SCFD2: variants seen among roughly 807,000 people sequenced by gnomAD.
SCFD2 encodes sec1 family domain-containing protein 2.
A neutral mutation model predicts 58.9 loss-of-function variants in SCFD2; 54 were observed. That is an observed-to-expected ratio of 0.92 (90% CI 0.74 to 1.15). The LOEUF (loss-of-function observed/expected upper bound fraction) is 1.15. Among genes scored for constraint, SCFD2 ranks in the 50% most tolerant of loss-of-function variants. The probability of loss-of-function intolerance (pLI) is 0.00; values close to 1 mark genes in which losing one functional copy is unlikely to be tolerated. For missense variants in SCFD2, 805 were observed against 836.6 expected, an observed-to-expected ratio of 0.96 and a Z score of 0.47; for synonymous variants, 321 against 335.9, an observed-to-expected ratio of 0.96 and a Z score of 0.49.
At chr4:53,220,797 G>A (rs1560393681) in intron 4 of SCFD2, among the ~76,000 whole-genome samples, 2 of 152,202 alleles carry the variant, frequency 1.3e-5, no homozygotes, top group Non-Finnish European at 2.9e-5. Context: ...GTTTGGGGAA[G>A]AAGAATTCCT....
Position 53,093,099 on chromosome 4 carries a change from A to G in SCFD2, c.1561+52234T>C, listed in dbSNP as rs529147150. 1.2e-4 allele frequency among the ~76,000 whole-genome samples: 18 copies of G among 152,190 alleles called. No individual in the cohort carries two copies. In the South Asian group the frequency reaches 3.7e-3, roughly 32 times the overall value. On this transcript the variant is annotated intron_variant, in intron 5 of 8. Coordinates refer to ENST00000401642, the MANE Select transcript of SCFD2 (RefSeq NM_152540.4). ...GAGGAGCAGGAGATACTGTTAAAAC[A>G]TTGGGAAAAAGAGGAGAGTTGATCA...
chr4:52,895,797 A>G (rs1718992589), intron 7 of SCFD2, among the ~76,000 whole-genome samples: 1 of 152,090 alleles, frequency 6.6e-6, no homozygotes, highest in South Asian at 2.1e-4. Flanking sequence ...AAGTGTTCCT[A>G]TTTCTCCACA....
At chr4:52,983,359 A>G (rs1721420162) in intron 5 of SCFD2, among the ~76,000 whole-genome samples, 1 of 152,238 alleles carries the variant, frequency 6.6e-6, no homozygotes, top group Non-Finnish European at 1.5e-5. Flanking sequence ...AGTGTTTCCA[A>G]GAGAAGGAAA....
intron 5 of SCFD2, among the ~76,000 whole-genome samples, chr4:53,120,763 GT>G (rs1303239793): frequency 6.6e-6 from 1 of 152,148 alleles, no homozygotes; most frequent in African/African-American, 2.4e-5. Flanking sequence ...AAAGTTTAAT[GT>G]CCCCCAGAAG....
intron 5 of SCFD2, among the ~76,000 whole-genome samples, chr4:52,955,528 C>T (rs548769077): frequency 2.6e-5 from 4 of 152,256 alleles, no homozygotes; most frequent in South Asian, 2.1e-4. Context: ...AGTTTTCATG[C>T]GTGGGAACTG....
intron 5 of SCFD2, among the ~76,000 whole-genome samples, chr4:53,127,174 C>T (rs548951776): frequency 6.6e-6 from 1 of 152,314 alleles, no homozygotes; most frequent in Admixed American, 6.5e-5. Flanking sequence ...ATATTTTCTT[C>T]ACTATATTTC....
At chr4:53,027,965 G>T (rs1009793305) in intron 5 of SCFD2, among the ~76,000 whole-genome samples, 1 of 151,954 alleles carries the variant, frequency 6.6e-6, no homozygotes, top group Non-Finnish European at 1.5e-5. Context: ...AAATATATGT[G>T]GGCGGGCATG....
At chr4:53,344,923 C>T (rs954027756) in intron 2 of SCFD2, among the ~76,000 whole-genome samples, 1 of 152,126 alleles carries the variant, frequency 6.6e-6, no homozygotes, top group Admixed American at 6.6e-5. Context: ...TGGATCCCTT[C>T]CTTACACCTT....
chr4:53,198,104 AT>A (rs1728116088), intron 4 of SCFD2, among the ~76,000 whole-genome samples: 1 of 152,022 alleles, frequency 6.6e-6, no homozygotes, highest in African/African-American at 2.4e-5. Flanking sequence ...TATAATGGCA[AT>A]TTTTTTCCAT....
chr4:53,216,305 T>A (rs950803169), intron 4 of SCFD2, among the ~76,000 whole-genome samples: 20 of 152,320 alleles, frequency 1.3e-4, no homozygotes, highest in African/African-American at 4.1e-4. Context: ...ACGCTATTAA[T>A]TATTGCCTCA....
At chr4:53,313,049 C>A (rs1441520644) in intron 3 of SCFD2, among the ~76,000 whole-genome samples, 1 of 151,808 alleles carries the variant, frequency 6.6e-6, no homozygotes, top group African/African-American at 2.4e-5. Context: ...ACTTAAATTC[C>A]ATTGCAATCA....
At chr4:53,285,789 G>T (rs913361230) in intron 3 of SCFD2, among the ~76,000 whole-genome samples, 2 of 152,030 alleles carry the variant, frequency 1.3e-5, no homozygotes, top group South Asian at 4.1e-4. Context: ...GCCTCCAGCA[G>T]CCCCCACAAC....
chr4:53,152,259 C>G (rs1432284312), intron 4 of SCFD2, among the ~76,000 whole-genome samples: 1 of 151,762 alleles, frequency 6.6e-6, no homozygotes, highest in Admixed American at 6.6e-5. Context: ...ATCCAAATAC[C>G]ATTAGGCACA....
intron 4 of SCFD2, among the ~76,000 whole-genome samples, chr4:53,168,625 T>C (rs1483294849): frequency 6.6e-6 from 1 of 152,194 alleles, no homozygotes; most frequent in African/African-American, 2.4e-5. Context: ...TATAGATTGA[T>C]ATATTATAGT....
chr4:53,158,917 C>G (rs1339164418), intron 4 of SCFD2, among the ~76,000 whole-genome samples: 1 of 152,184 alleles, frequency 6.6e-6, no homozygotes, highest in Non-Finnish European at 1.5e-5. Context: ...TCAACCTAAG[C>G]ATTATCTTCT....
intron 3 of SCFD2, among the ~76,000 whole-genome samples, chr4:53,284,118 CA>C (rs561985080): frequency 0.05 from 4,131 of 82,160 alleles, 170 homozygotes; most frequent in African/African-American, 0.16. Context: ...GACTCCATCT[CA>C]AAAAAAAAAA....
chr4:53,299,382 A>C (rs1340409451), intron 3 of SCFD2, among the ~76,000 whole-genome samples: 1 of 152,220 alleles, frequency 6.6e-6, no homozygotes, highest in Non-Finnish European at 1.5e-5. Flanking sequence ...AAGCATGAAG[A>C]GAAGTTTAGA....
chr4:52,978,843 G>C (rs772408043), intron 5 of SCFD2, among the ~76,000 whole-genome samples: 5 of 151,998 alleles, frequency 3.3e-5, no homozygotes, highest in Non-Finnish European at 7.4e-5. Flanking sequence ...TATTTGATAA[G>C]TATCACATAT....
intron 5 of SCFD2, among the ~76,000 whole-genome samples, chr4:53,133,199 G>C (rs1222688141): frequency 6.6e-6 from 1 of 151,878 alleles, no homozygotes; most frequent in Non-Finnish European, 1.5e-5. Context: ...GTGGTGGCGG[G>C]TGCCTGTAGT....
Sources: gnomAD v4.1 joint callset for allele counts (sites outside exome capture counted in the v4.1 genomes callset) on GRCh38, gnomAD v4.1.1 for gene constraint, MANE v1.5 for transcripts, NCBI Gene and HGNC (gene_info 2026-07-23, HGNC 2026-07-21) for gene names.